Variants in DCLK2 observed in about 807,000 individuals in gnomAD.
The protein encoded by DCLK2 is serine/threonine-protein kinase DCLK2.
DCLK2 carries 31 observed loss-of-function variants against 78.4 expected under a neutral mutation model. That is an observed-to-expected ratio of 0.40 (90% confidence interval 0.30 to 0.53). The LOEUF (loss-of-function observed/expected upper bound fraction) is 0.53. DCLK2 is among the 20% of genes least tolerant of loss of function. The probability of loss-of-function intolerance (pLI) is 0.61; values close to 1 mark genes in which losing one functional copy is unlikely to be tolerated. For synonymous variants in DCLK2, 407 were observed against 374.9 expected (o/e 1.09, Z -0.99); for missense variants, 872 against 973.7 (o/e 0.90, Z 1.39).
At chr4:150,224,664 A>G (rs1220272956) in intron 8 of DCLK2, 106 bp downstream of exon 8, 1 of 844,518 alleles carries the variant, frequency 1.2e-6, no homozygotes, top group African/African-American at 1.7e-5. Flanking sequence ...CTATCACAGC[A>G]GGAGTAGAGA....
intron 8 of DCLK2, among the ~76,000 whole-genome samples, chr4:150,227,224 A>G (rs536637885): frequency 6.6e-6 from 1 of 152,318 alleles, no homozygotes; most frequent in Non-Finnish European, 1.5e-5. Context: ...TTCTTCAGGT[A>G]ATACAAACTT....
intron 2 of DCLK2, among the ~76,000 whole-genome samples, chr4:150,177,857 G>A (rs1737202075): frequency 6.6e-6 from 1 of 152,212 alleles, no homozygotes; most frequent in Admixed American, 6.5e-5. Context: ...GGGTTGGAAG[G>A]ATATATGCCA....
chr4:150,245,603 T>TGA (rs1485158362), intron 12 of DCLK2, among the ~76,000 whole-genome samples: 1 of 151,870 alleles, frequency 6.6e-6, no homozygotes, highest in African/African-American at 2.4e-5. Context: ...CACCTATGAG[T>TGA]GAGAACATGT....
chr4:150,186,334 A>G (rs766533171), intron 2 of DCLK2, among the ~76,000 whole-genome samples: 1 of 152,236 alleles, frequency 6.6e-6, no homozygotes, highest in African/African-American at 2.4e-5. Context: ...GAGTTAAAGA[A>G]CACAGAATAT....
At chr4:150,099,381 GTAAC>G (rs1482058020) in intron 1 of DCLK2, among the ~76,000 whole-genome samples, 2 of 152,242 alleles carry the variant, frequency 1.3e-5, no homozygotes, top group Non-Finnish European at 2.9e-5. Context: ...ATCGAGAGTT[GTAAC>G]TAACTGCCCA....
chr4:150,230,299 A>G (rs1014233832), intron 8 of DCLK2, among the ~76,000 whole-genome samples: 11 of 152,064 alleles, frequency 7.2e-5, no homozygotes, highest in African/African-American at 2.7e-4. Context: ...AACTTTTGGG[A>G]GTTGTAGTCT....
At chr4:150,155,953 A>G (rs988882665) in intron 2 of DCLK2, among the ~76,000 whole-genome samples, 3 of 152,124 alleles carry the variant, frequency 2.0e-5, no homozygotes, top group Non-Finnish European at 4.4e-5. Context: ...TAATGGCCAG[A>G]GGGAGGAAGC....
chr4:150,196,963 G>A (rs1236699545), intron 3 of DCLK2, among the ~76,000 whole-genome samples: 1 of 152,132 alleles, frequency 6.6e-6, no homozygotes. Flanking sequence ...AGACCAGCCT[G>A]GTCAACATGG....
rs1744574795 is a variant in DCLK2 at position 150,256,405 on chromosome 4, C to G, written c.*158C>G. The G allele has an allele frequency of 9.8e-7, 1 of 1,023,892 alleles. No homozygotes were observed. The highest frequency in any genetic ancestry group is 3.0e-5 in the Admixed American group (1 of 33,368). 63.4% of individuals were successfully genotyped at this position (1,023,892 alleles called of 1,614,324 possible). On this transcript the variant is annotated 3_prime_UTR_variant, in exon 16 of 16. Transcript: ENST00000296550. The stretch of plus-strand genomic sequence containing the variant: ...CGCCTGGGAACCGGAGCCTGGCGTG[C>G]CGGAGCCTGGCCTGGTGCTCTGGGC...
At chr4:150,227,585 GCC>G (rs1741713263) in intron 8 of DCLK2, among the ~76,000 whole-genome samples, 1 of 152,170 alleles carries the variant, frequency 6.6e-6, no homozygotes, top group South Asian at 2.1e-4. Flanking sequence ...AGCACGTTGG[GCC>G]CTTCTAAGTA....
intron 2 of DCLK2, among the ~76,000 whole-genome samples, chr4:150,134,417 G>T (rs1733552741): frequency 6.6e-6 from 1 of 151,842 alleles, no homozygotes; most frequent in Admixed American, 6.6e-5. Context: ...GTTATGGTAG[G>T]GTCTATTTTG....
At chr4:150,236,469 C>T (rs937332306) in intron 10 of DCLK2, among the ~76,000 whole-genome samples, 5 of 152,172 alleles carry the variant, frequency 3.3e-5, no homozygotes, top group African/African-American at 4.8e-5. Context: ...CCTAGTTGCC[C>T]AGTGGGGTGG....
At chr4:150,096,796 G>A (rs1323505372) in intron 1 of DCLK2, among the ~76,000 whole-genome samples, 2 of 152,208 alleles carry the variant, frequency 1.3e-5, no homozygotes, top group Non-Finnish European at 2.9e-5. Flanking sequence ...GGGAGCACAA[G>A]TGATGCTCCA....
At chr4:150,161,707 A>G (rs1735716804) in intron 2 of DCLK2, among the ~76,000 whole-genome samples, 1 of 152,216 alleles carries the variant, frequency 6.6e-6, no homozygotes, top group African/African-American at 2.4e-5. Context: ...TCCATTTGTA[A>G]GTATTTTATT....
chr4:150,139,184 A>G (rs1056847470), intron 2 of DCLK2, among the ~76,000 whole-genome samples: 3 of 152,156 alleles, frequency 2.0e-5, no homozygotes, highest in African/African-American at 7.2e-5. Flanking sequence ...AGTTATTTAA[A>G]TGTGAGAATT....
intron 2 of DCLK2, among the ~76,000 whole-genome samples, chr4:150,130,354 G>C (rs76020642): frequency 6.6e-6 from 1 of 152,112 alleles, no homozygotes; most frequent in Non-Finnish European, 1.5e-5. Flanking sequence ...GAGTTGGGAA[G>C]TGTTCGTGAA....
At chr4:150,141,512 TG>T (rs1350032925) in intron 2 of DCLK2, among the ~76,000 whole-genome samples, 1 of 152,152 alleles carries the variant, frequency 6.6e-6, no homozygotes, top group Non-Finnish European at 1.5e-5. Flanking sequence ...AGGCACCTGG[TG>T]GGTAGGGCTT....
At chr4:150,245,901 T>G (rs1391889749) in intron 12 of DCLK2, among the ~76,000 whole-genome samples, 1 of 152,166 alleles carries the variant, frequency 6.6e-6, no homozygotes, top group Admixed American at 6.5e-5. Context: ...GCCATCCCAT[T>G]ACTGGGTATA....
At chr4:150,107,245 A>G (rs1019734201) in intron 2 of DCLK2, among the ~76,000 whole-genome samples, 10 of 152,208 alleles carry the variant, frequency 6.6e-5, no homozygotes, top group African/African-American at 2.2e-4. Context: ...TAACTGTGTT[A>G]TTAGGCCATA....
Sources: gnomAD v4.1 joint callset for allele counts (sites outside exome capture counted in the v4.1 genomes callset) on GRCh38, gnomAD v4.1.1 for gene constraint, MANE v1.5 for transcripts, NCBI Gene and HGNC (gene_info 2026-07-23, HGNC 2026-07-21) for gene names.